The following LOC400499 variants were observed in gnomAD, a reference collection of about 807,000 sequenced individuals.
chr16:11,418,245 A>G, the LOC400499 span, among the ~76,000 whole-genome samples: 1 of 152,194 alleles, frequency 6.6e-6, no homozygotes, highest in Admixed American at 6.5e-5. Flanking sequence ...TTTGAACCAG[A>G]GCAACTCCAT....
the LOC400499 span, among the ~76,000 whole-genome samples, chr16:11,377,884 T>G: frequency 6.6e-6 from 1 of 152,192 alleles, no homozygotes; most frequent in Non-Finnish European, 1.5e-5. Flanking sequence ...TCTTCAAATG[T>G]TTGGTGATTC....
the LOC400499 span, among the ~76,000 whole-genome samples, chr16:11,402,568 C>T: frequency 2.6e-5 from 4 of 152,214 alleles, no homozygotes; most frequent in Non-Finnish European, 5.9e-5. Flanking sequence ...TGAGAACAAA[C>T]CCTGCTGGCC....
the LOC400499 span, chr16:11,446,680 T>A: frequency 1.8e-5 from 27 of 1,532,292 alleles, no homozygotes; most frequent in Non-Finnish European, 2.2e-5. Flanking sequence ...ATGCAGGGAG[T>A]GAGGAGGCAG....
At chr16:11,466,056 T>C in the LOC400499 span, among the ~76,000 whole-genome samples, 3,653 of 152,294 alleles carry the variant, frequency 0.024, 156 homozygotes, top group African/African-American at 0.084. Flanking sequence ...AGTCCTTCAT[T>C]ATTAAACTAG....
the LOC400499 span, among the ~76,000 whole-genome samples, chr16:11,426,820 G>A: frequency 2.7e-5 from 4 of 149,486 alleles, no homozygotes; most frequent in South Asian, 6.3e-4. Context: ...CTACTTGGGA[G>A]GCTAAGGCAG....
chr16:11,424,567 G>C, the LOC400499 span, among the ~76,000 whole-genome samples: 7 of 152,216 alleles, frequency 4.6e-5, no homozygotes, highest in Non-Finnish European at 1.0e-4. Context: ...ATTTCATCTG[G>C]TCCAACCTCA....
At chr16:11,399,722 G>C in the LOC400499 span, 1 of 398,760 alleles carries the variant, frequency 2.5e-6, no homozygotes, top group East Asian at 3.6e-5. Context: ...GAGGCGGCCA[G>C]GCAGCCGTCC....
chr16:11,450,816 G>C, the LOC400499 span: 2 of 1,529,322 alleles, frequency 1.3e-6, no homozygotes, highest in Non-Finnish European at 1.8e-6. Flanking sequence ...CCAGGTTCAA[G>C]GCTCCTGCAA....
the LOC400499 span, among the ~76,000 whole-genome samples, chr16:11,523,949 C>A: frequency 8.3e-6 from 1 of 120,814 alleles, no homozygotes; most frequent in African/African-American, 3.1e-5. Flanking sequence ...ATTCCCCTAT[C>A]CATCCACCCA....
At chr16:11,421,967 A>G in the LOC400499 span, among the ~76,000 whole-genome samples, 2 of 152,360 alleles carry the variant, frequency 1.3e-5, no homozygotes, top group East Asian at 3.9e-4. Context: ...GAAAAGATAC[A>G]TATGATGTGG....
At chr16:11,496,660 G>A in the LOC400499 span, among the ~76,000 whole-genome samples, 3 of 152,122 alleles carry the variant, frequency 2.0e-5, no homozygotes, top group Non-Finnish European at 4.4e-5. Context: ...GTGCCCATGC[G>A]TCCAGGTGCG....
the LOC400499 span, chr16:11,383,861 C>T: frequency 5.7e-6 from 7 of 1,232,042 alleles, no homozygotes; most frequent in Non-Finnish European, 7.1e-6. Context: ...GCCTTCTGCA[C>T]CCCATGGGCC....
chr16:11,442,602 T>G, the LOC400499 span: 1 of 152,240 alleles, frequency 6.6e-6, no homozygotes, highest in East Asian at 1.9e-4. Context: ...GACCCTGTTG[T>G]TGTCAGCTGG....
At chr16:11,412,049 C>T in the LOC400499 span, among the ~76,000 whole-genome samples, 2 of 152,088 alleles carry the variant, frequency 1.3e-5, no homozygotes, top group South Asian at 2.1e-4. Flanking sequence ...TTTTTTGTAG[C>T]GATGGGGATC....
At chr16:11,375,133 C>G in the LOC400499 span, among the ~76,000 whole-genome samples, 2 of 148,084 alleles carry the variant, frequency 1.4e-5, no homozygotes, top group South Asian at 2.1e-4. Context: ...CAGGTGTGAG[C>G]CACTGCACCT....
chr16:11,377,338 T>G, the LOC400499 span, among the ~76,000 whole-genome samples: 2 of 152,234 alleles, frequency 1.3e-5, no homozygotes, highest in East Asian at 3.8e-4. Context: ...GGATGCCTTT[T>G]CTTTCTTAAT....
At chr16:11,450,775 T>G in the LOC400499 span, 50 of 1,535,926 alleles carry the variant, frequency 3.3e-5, no homozygotes, top group Non-Finnish European at 4.3e-5. Context: ...GTATAGCCTG[T>G]GAGCTGCAGA....
chr16:11,466,711 G>A, the LOC400499 span, among the ~76,000 whole-genome samples: 4 of 152,018 alleles, frequency 2.6e-5, no homozygotes, highest in African/African-American at 9.7e-5. Flanking sequence ...CTATAAACAT[G>A]TGTGCCACTG....
chr16:11,391,708 A>C, the LOC400499 span: 3 of 1,231,858 alleles, frequency 2.4e-6, no homozygotes, highest in Non-Finnish European at 3.0e-6. Context: ...ACCTGCAGCC[A>C]CTCCAGGTAA....
Sources: gnomAD v4.1 joint callset for allele counts (sites outside exome capture counted in the v4.1 genomes callset) on GRCh38, gnomAD v4.1.1 for gene constraint, MANE v1.5 for transcripts.